The following CSPP1 variants were observed in gnomAD, a reference collection of about 807,000 sequenced individuals.
CSPP1 encodes centrosome and spindle pole-associated protein 1.
A neutral mutation model predicts 164.4 loss-of-function variants in CSPP1; 126 were observed. The ratio of observed to expected loss-of-function variants is 0.77; its 90% CI spans 0.66 to 0.89. The LOEUF (loss-of-function observed/expected upper bound fraction) is 0.89. Among genes scored for constraint, CSPP1 ranks in the 40% least tolerant of loss-of-function variants. CSPP1 has a pLI of 0.00. For missense variants in CSPP1, 1,395 were observed against 1,449.8 expected (o/e 0.96, Z 0.61); for synonymous variants, 472 against 476.7 (o/e 0.99, Z 0.13).
At chr8:67,129,920 G>A (rs1249628993) in intron 15 of CSPP1, among the ~76,000 whole-genome samples, 1 of 152,200 alleles carries the variant, frequency 6.6e-6, no homozygotes, top group Non-Finnish European at 1.5e-5. Flanking sequence ...ACTGGTTATG[G>A]TGATGATCGC....
chr8:67,154,834 A>AT (rs1400706697), intron 19 of CSPP1, among the ~76,000 whole-genome samples: 4 of 152,350 alleles, frequency 2.6e-5, no homozygotes, highest in African/African-American at 9.6e-5. Flanking sequence ...GAATGCTGAG[A>AT]TTTTAAAAAC....
intron 7 of CSPP1, among the ~76,000 whole-genome samples, 185 bp from the exon 8 acceptor site, chr8:67,102,852 C>A (rs752089727): frequency 1.3e-5 from 2 of 152,116 alleles, no homozygotes; most frequent in Non-Finnish European, 2.9e-5. Context: ...CGTTTAAACT[C>A]TTAGTGTCTC....
intron 17 of CSPP1, among the ~76,000 whole-genome samples, chr8:67,148,255 A>G (rs140822975): frequency 1.3e-5 from 2 of 152,232 alleles, no homozygotes; most frequent in Non-Finnish European, 2.9e-5. Flanking sequence ...TAACAACCAC[A>G]ACTGCCTCCA....
chr8:67,177,565 T>C, intron 26 of CSPP1, 115 bp from the exon 27 acceptor site: 1 of 663,068 alleles, frequency 1.5e-6, no homozygotes, highest in Non-Finnish European at 2.7e-6. Context: ...TGAAGTGTGA[T>C]AGTTGAAAAG....
intron 17 of CSPP1, among the ~76,000 whole-genome samples, chr8:67,145,762 A>G (rs1430170320): frequency 6.6e-6 from 1 of 151,956 alleles, no homozygotes; most frequent in Non-Finnish European, 1.5e-5. Context: ...TCCTGAGGTG[A>G]TCTGCCCACC....
chr8:67,075,701 G>A (rs562849223), intron 2 of CSPP1, among the ~76,000 whole-genome samples: 3 of 152,336 alleles, frequency 2.0e-5, no homozygotes, highest in South Asian at 4.1e-4. Flanking sequence ...AACCTGTCAT[G>A]TACCAGGAAT....
intron 3 of CSPP1, among the ~76,000 whole-genome samples, chr8:67,082,278 T>C (rs1809373424): frequency 6.6e-6 from 1 of 152,126 alleles, no homozygotes; most frequent in African/African-American, 2.4e-5. Context: ...TCGAGCTCCT[T>C]ACCTCAAGTA....
intron 7 of CSPP1, among the ~76,000 whole-genome samples, chr8:67,098,397 G>A (rs766321387): frequency 3.0e-5 from 4 of 132,734 alleles, no homozygotes; most frequent in Non-Finnish European, 4.9e-5. Flanking sequence ...CCCTATAAAC[G>A]TTTACTTTTT....
chr8:67,192,056 TTGC>T (rs1201730204), intron 29 of CSPP1, among the ~76,000 whole-genome samples: 1 of 151,122 alleles, frequency 6.6e-6, no homozygotes, highest in Admixed American at 6.6e-5. Context: ...TTCAAATCCT[TTGC>T]TGATTTGTTT....
intron 3 of CSPP1, among the ~76,000 whole-genome samples, chr8:67,076,969 T>C (rs1383012615): frequency 6.6e-6 from 1 of 152,188 alleles, no homozygotes; most frequent in Non-Finnish European, 1.5e-5. Flanking sequence ...TGCTGTTTGG[T>C]GAAAGACTAT....
intron 17 of CSPP1, among the ~76,000 whole-genome samples, chr8:67,141,436 T>C (rs1563663499): frequency 6.6e-6 from 1 of 152,220 alleles, no homozygotes; most frequent in Non-Finnish European, 1.5e-5. Flanking sequence ...TCAAATACAG[T>C]ATAACTCTTT....
At chr8:67,067,204 T>A (rs1179794535) in intron 1 of CSPP1, among the ~76,000 whole-genome samples, 1 of 152,218 alleles carries the variant, frequency 6.6e-6, no homozygotes, top group Non-Finnish European at 1.5e-5. Flanking sequence ...CATTTTCCCA[T>A]CTTTTTGTGA....
At chr8:67,105,557 A>AT (rs1226032311) in intron 8 of CSPP1, among the ~76,000 whole-genome samples, 3 of 150,874 alleles carry the variant, frequency 2.0e-5, no homozygotes, top group Admixed American at 2.0e-4. Flanking sequence ...ATTTTTTTGT[A>AT]TTTTTTATTA....
At chr8:67,180,228 C>T (rs2129570784) in intron 28 of CSPP1, among the ~76,000 whole-genome samples, 1 of 152,254 alleles carries the variant, frequency 6.6e-6, no homozygotes, top group East Asian at 1.9e-4. Context: ...GTTAAAAAAA[C>T]TCTGGTACAT....
At chr8:67,182,291 A>G (rs557050059) in intron 28 of CSPP1, among the ~76,000 whole-genome samples, 37 of 151,658 alleles carry the variant, frequency 2.4e-4, no homozygotes, top group African/African-American at 9.0e-4. Context: ...TACAGGTGTG[A>G]GCTACCACAC....
chr8:67,102,342 C>CA (rs1404061593), intron 7 of CSPP1, among the ~76,000 whole-genome samples: 1 of 152,126 alleles, frequency 6.6e-6, no homozygotes, highest in Non-Finnish European at 1.5e-5. Flanking sequence ...CTTGTAATCC[C>CA]AGCACTTTGG....
intron 26 of CSPP1, 81 bp downstream of exon 26, chr8:67,175,517 C>A (rs1563757373): frequency 2.7e-6 from 4 of 1,507,156 alleles, no homozygotes; most frequent in Non-Finnish European, 3.7e-6. Context: ...CTATTGATTT[C>A]ATTCCCAGGC....
chr8:67,064,855 G>C (rs1471564501), intron 1 of CSPP1: 1 of 236,610 alleles, frequency 4.2e-6, no homozygotes, highest in Non-Finnish European at 8.4e-6. Flanking sequence ...GTGAGCAGGG[G>C]TCTTGCAGCT....
chr8:67,074,307 G>A lies in CSPP1; in HGVS notation c.55G>A (p.Asp19Asn). 1 of 1,611,270 alleles carries A rather than the reference G, an allele frequency of 6.2e-7. No individual in the cohort carries two copies. The highest frequency in any genetic ancestry group is 2.2e-5 in the East Asian group (1 of 44,768). ...AGAGCAAAAAGCCAGATTGGCCGAAGACAAAGCAGAGTTGGAAAGTGATCC... is the reference window on the plus strand; with the variant it reads ...AGAGCAAAAAGCCAGATTGGCCGAAAACAAAGCAGAGTTGGAAAGTGATCC... The part of the protein sequence containing the change: ...IEEQKARLAE[D>N]KAELESDPPY... The change falls in exon 2 of 31, where the codon GAC becomes AAC. Residue 19 changes from aspartate (D) to asparagine (N), a missense_variant. Asp to Asn is a conservative substitution (Grantham distance 23, BLOSUM62 1). Transcript: ENST00000678616.
Sources: allele counts gnomAD v4.1 joint callset (sites outside exome capture counted in the v4.1 genomes callset), GRCh38; gene constraint gnomAD v4.1.1; transcripts MANE v1.5; gene names NCBI Gene and HGNC (gene_info 2026-07-23, HGNC 2026-07-21).